MED13L: variants seen among roughly 807,000 people sequenced by gnomAD.
MED13L encodes mediator of RNA polymerase II transcription subunit 13-like.
Under a neutral mutation model 220.9 loss-of-function variants are expected in MED13L, and 7 were observed. That is an observed-to-expected ratio of 0.03 (90% CI 0.02 to 0.06). The LOEUF is 0.06. Ranked by LOEUF, MED13L falls within the 10% of genes least tolerant of loss-of-function variation. The pLI is 1.00. For synonymous variants in MED13L, 1,011 were observed against 1,015.2 expected, an observed-to-expected ratio of 1.00 and a Z score of 0.08; for missense variants, 1,965 against 2,760.5, an observed-to-expected ratio of 0.71 and a Z score of 6.46.
intron 4 of MED13L, among the ~76,000 whole-genome samples, chr12:116,028,014 C>T (rs920714121): frequency 6.6e-6 from 1 of 152,174 alleles, no homozygotes; most frequent in Non-Finnish European, 1.5e-5. Flanking sequence ...AAAGTCCACC[C>T]TCCTTCATTT....
At chr12:116,048,655 T>G (rs1447097887) in intron 4 of MED13L, among the ~76,000 whole-genome samples, 8 of 151,184 alleles carry the variant, frequency 5.3e-5, no homozygotes, top group Non-Finnish European at 1.0e-4. Flanking sequence ...GAAATTTTGT[T>G]TTTTTTTTAA....
intron 2 of MED13L, among the ~76,000 whole-genome samples, chr12:116,179,427 T>C (rs539854988): frequency 1.6e-4 from 24 of 152,078 alleles, no homozygotes; most frequent in South Asian, 4.1e-4. Context: ...CTGGGCAACA[T>C]AGTGACACCT....
At chr12:115,975,461 T>C in intron 24 of MED13L, 54 bp downstream of exon 24, 1 of 1,597,408 alleles carries the variant, frequency 6.3e-7, no homozygotes, top group African/African-American at 1.3e-5. Context: ...TATTCATATT[T>C]GAGGAACGGT....
chr12:116,089,534 A>C (rs1872006947), intron 4 of MED13L, among the ~76,000 whole-genome samples: 1 of 152,206 alleles, frequency 6.6e-6, no homozygotes. Context: ...TATATGGTAG[A>C]CTATAACAGG....
chr12:116,146,890 A>G (rs982286213), intron 2 of MED13L, among the ~76,000 whole-genome samples: 1 of 152,080 alleles, frequency 6.6e-6, no homozygotes, highest in Non-Finnish European at 1.5e-5. Flanking sequence ...TAAAAAAAAA[A>G]GTAAAAAACC....
intron 16 of MED13L, among the ~76,000 whole-genome samples, chr12:115,994,970 C>T (rs541090927): frequency 2.0e-5 from 3 of 152,156 alleles, no homozygotes; most frequent in African/African-American, 2.4e-5. Flanking sequence ...GGAAGACCCA[C>T]GTAAAATGGT....
intron 30 of MED13L, 170 bp from the exon 31 acceptor site, chr12:115,961,568 T>A: frequency 1.1e-6 from 1 of 940,792 alleles, no homozygotes; most frequent in Non-Finnish European, 1.6e-6. Flanking sequence ...TCCTTCTAGA[T>A]ATGGACTATC....
chr12:115,974,827 A>G (rs956884255), intron 25 of MED13L, among the ~76,000 whole-genome samples: 8 of 152,232 alleles, frequency 5.3e-5, no homozygotes, highest in African/African-American at 1.7e-4. Context: ...ACTGTCACCT[A>G]TAATCACTGA....
At chr12:116,238,517 C>A (rs1194341909) in intron 1 of MED13L, among the ~76,000 whole-genome samples, 1 of 152,178 alleles carries the variant, frequency 6.6e-6, no homozygotes, top group Non-Finnish European at 1.5e-5. Context: ...TAAACTACAG[C>A]TATATATTGA....
At chr12:116,237,756 A>G in intron 1 of MED13L, 51 bp from the exon 2 acceptor site, 1 of 1,478,440 alleles carries the variant, frequency 6.8e-7, no homozygotes. Flanking sequence ...CTTACAGACC[A>G]CTAAAAACAG....
chr12:115,967,191 AAAAAAC>A (rs1876236328), intron 28 of MED13L, among the ~76,000 whole-genome samples: 1 of 151,524 alleles, frequency 6.6e-6, no homozygotes, highest in Admixed American at 6.6e-5. Context: ...AAAAAAAAAA[AAAAAAC>A]CTTCTGTTTG....
At chr12:116,233,763 T>G (rs1336870130) in intron 2 of MED13L, among the ~76,000 whole-genome samples, 4 of 152,226 alleles carry the variant, frequency 2.6e-5, no homozygotes, top group Admixed American at 2.6e-4. Context: ...AGCTAGTGAC[T>G]ATGCAAGCAT....
rs1022951426 is a variant in MED13L at position 116,016,792 on chromosome 12, C to G, written c.1010-1518G>C. ...AATGCATGTTGAATGTTGTTACTTGCAATTACCTCTACATATCAAACAAAG... is the reference window on the plus strand; with the variant it reads ...AATGCATGTTGAATGTTGTTACTTGGAATTACCTCTACATATCAAACAAAG... On this transcript the variant is annotated intron_variant, in intron 7 of 30. Transcript: ENST00000281928. Among the ~76,000 whole-genome samples the G allele has an allele frequency of 2.6e-5, 4 of 152,166 alleles. No individual in the cohort carries two copies. The East Asian group carries it at 7.7e-4, about 29-fold the overall frequency.
At chr12:116,076,165 G>A (rs550883150) in intron 4 of MED13L, among the ~76,000 whole-genome samples, 8 of 152,038 alleles carry the variant, frequency 5.3e-5, no homozygotes, top group South Asian at 2.1e-4. Context: ...CGCCCGCCTC[G>A]GCCTCCCAAA....
At chr12:116,226,132 C>G (rs1868966707) in intron 2 of MED13L, among the ~76,000 whole-genome samples, 1 of 150,326 alleles carries the variant, frequency 6.7e-6, no homozygotes. Context: ...TATTATTCTA[C>G]CACAATACCC....
chr12:116,040,507 A>G (rs1881458495), intron 4 of MED13L, among the ~76,000 whole-genome samples: 1 of 152,204 alleles, frequency 6.6e-6, no homozygotes, highest in Admixed American at 6.5e-5. Context: ...TCCTTTCATA[A>G]TGCTAATGAA....
rs1204156729 is a variant in MED13L, at chr12:115,987,084, A to G, written c.4114+25T>C. 1.9e-6 allele frequency: 3 copies of G among 1,612,846 alleles called. No homozygotes were observed. The African/African-American group carries it at 4.0e-5, about 22-fold the overall frequency. ...CTGAACAGCACTGAAGTCAGAAGGA[A>G]TTTTAAACAGGACAAAGACCCTACC... is the stretch of plus-strand genomic sequence containing the variant. On this transcript the variant is annotated intron_variant, in intron 18 of 30. Coordinates refer to ENST00000281928, the MANE Select transcript of MED13L (RefSeq NM_015335.5).
intron 4 of MED13L, among the ~76,000 whole-genome samples, chr12:116,046,282 G>A (rs1442859286): frequency 2.0e-5 from 3 of 151,944 alleles, no homozygotes; most frequent in Non-Finnish European, 4.4e-5. Flanking sequence ...ACACAAAGAT[G>A]TTTGTCAAGA....
At chr12:116,079,739 G>A (rs1871096326) in intron 4 of MED13L, among the ~76,000 whole-genome samples, 1 of 151,798 alleles carries the variant, frequency 6.6e-6, no homozygotes, top group Non-Finnish European at 1.5e-5. Flanking sequence ...GTTTTACCAT[G>A]TTGCCTAGGC....
Sources: gnomAD v4.1 joint callset for allele counts (sites outside exome capture counted in the v4.1 genomes callset) on GRCh38, gnomAD v4.1.1 for gene constraint, MANE v1.5 for transcripts, NCBI Gene and HGNC (gene_info 2026-07-23, HGNC 2026-07-21) for gene names.